The following BACH2 variants were observed in gnomAD, a reference collection of about 807,000 sequenced individuals.
BACH2 encodes transcription regulator protein BACH2.
Under a neutral mutation model 61.8 loss-of-function variants are expected in BACH2, and 5 were observed. The ratio of observed to expected loss-of-function variants is 0.08; its 90% CI spans 0.04 to 0.17. The LOEUF is 0.17. Among genes scored for constraint, BACH2 ranks in the 10% least tolerant of loss-of-function variants. The probability of loss-of-function intolerance (pLI) is 1.00; values close to 1 mark genes in which losing one functional copy is unlikely to be tolerated. For synonymous variants in BACH2, 446 were observed against 440.1 expected, an observed-to-expected ratio of 1.01 and a Z score of -0.17; for missense variants, 824 against 1,091.1, an observed-to-expected ratio of 0.76 and a Z score of 3.45.
intron 4 of BACH2, among the ~76,000 whole-genome samples, chr6:90,093,604 G>A (rs1279260637): frequency 6.6e-6 from 1 of 152,180 alleles, no homozygotes; most frequent in African/African-American, 2.4e-5. Context: ...GTGGTTAGCT[G>A]ATTGGACAGT....
Position 90,060,613 on chromosome 6 carries a change from A to G in BACH2, c.-13+28348T>C, listed in dbSNP as rs534893442. Among the ~76,000 whole-genome samples, 16 of 152,188 alleles carry G rather than the reference A, an allele frequency of 1.1e-4. No homozygotes were observed. In the South Asian group the frequency reaches 3.1e-3, roughly 30 times the overall value. On this transcript the variant is annotated intron_variant, in intron 5 of 8. Transcript: ENST00000257749. The stretch of plus-strand genomic sequence containing the variant: ...TTCTTATCTGATACTTCAAACATCT[A>G]AAGCCCTTGGTGGGGAAGGAGTAAT...
At chr6:90,061,618 G>A (rs1380119617) in intron 5 of BACH2, among the ~76,000 whole-genome samples, 3 of 151,994 alleles carry the variant, frequency 2.0e-5, no homozygotes, top group African/African-American at 7.3e-5. Flanking sequence ...TGAGAGTGCA[G>A]AGAGAAAACA....
At chr6:90,124,997 A>G (rs1783787466) in intron 4 of BACH2, among the ~76,000 whole-genome samples, 1 of 152,328 alleles carries the variant, frequency 6.6e-6, no homozygotes, top group South Asian at 2.1e-4. Context: ...GCATTTTTCC[A>G]AAAGCAATAA....
intron 6 of BACH2, among the ~76,000 whole-genome samples, chr6:89,972,600 C>T (rs938538162): frequency 6.6e-6 from 1 of 152,136 alleles, no homozygotes; most frequent in Admixed American, 6.5e-5. Context: ...GTTTCAGAGT[C>T]ATAAATTTTG....
At chr6:89,997,351 T>C (rs940073514) in intron 6 of BACH2, among the ~76,000 whole-genome samples, 4 of 152,222 alleles carry the variant, frequency 2.6e-5, no homozygotes, top group African/African-American at 9.7e-5. Context: ...TTATCTTCCC[T>C]TAGTAACTTC....
At chr6:90,243,251 C>T (rs1278348715) in intron 3 of BACH2, among the ~76,000 whole-genome samples, 3 of 151,278 alleles carry the variant, frequency 2.0e-5, no homozygotes, top group African/African-American at 4.8e-5. Context: ...TCGCAAGGAT[C>T]GTCTTTAAAA....
At chr6:90,108,586 TGAGATCAGC>T (rs1783027052) in intron 4 of BACH2, among the ~76,000 whole-genome samples, 1 of 82,178 alleles carries the variant, frequency 1.2e-5, no homozygotes, top group Non-Finnish European at 3.8e-5. Context: ...GGAAACAGCC[TGAGATCAGC>T]CTGAGATCAG....
chr6:90,073,890 A>C (rs752934523), intron 5 of BACH2, among the ~76,000 whole-genome samples: 1 of 152,232 alleles, frequency 6.6e-6, no homozygotes, highest in Non-Finnish European at 1.5e-5. Context: ...TAAGTGATTT[A>C]AAGGATTTTT....
At chr6:90,069,379 T>A (rs973904692) in intron 5 of BACH2, among the ~76,000 whole-genome samples, 7 of 152,222 alleles carry the variant, frequency 4.6e-5, no homozygotes, top group African/African-American at 1.7e-4. Flanking sequence ...TGAGAGAGGA[T>A]GTGAACAAGA....
chr6:90,165,386 C>A (rs1213800023), intron 4 of BACH2, among the ~76,000 whole-genome samples: 2 of 151,478 alleles, frequency 1.3e-5, no homozygotes, highest in African/African-American at 4.9e-5. Flanking sequence ...AACTACAAAC[C>A]ACTGCTCAAT....
At chr6:89,995,455 A>C (rs1253415577) in intron 6 of BACH2, among the ~76,000 whole-genome samples, 2 of 152,192 alleles carry the variant, frequency 1.3e-5, no homozygotes, top group Non-Finnish European at 2.9e-5. Flanking sequence ...TTTGGATCAG[A>C]AGATACCTAA....
At chr6:90,250,626 CTG>C (rs1770777683) in intron 3 of BACH2, among the ~76,000 whole-genome samples, 1 of 152,220 alleles carries the variant, frequency 6.6e-6, no homozygotes, top group Non-Finnish European at 1.5e-5. Flanking sequence ...GCTTGCATTC[CTG>C]TGTTACGTCC....
At chr6:90,267,602 G>C (rs1461643180) in intron 2 of BACH2, among the ~76,000 whole-genome samples, 2 of 152,170 alleles carry the variant, frequency 1.3e-5, no homozygotes, top group African/African-American at 2.4e-5. Context: ...CTGCAGTGTT[G>C]TTAGGAATGG....
chr6:90,116,659 T>TA, intron 4 of BACH2: 3 of 291,492 alleles, frequency 1.0e-5, no homozygotes, highest in South Asian at 1.3e-4. Context: ...TCTTGCTACT[T>TA]AAAAAAAGGT....
chr6:90,160,638 C>T (rs535420143), intron 4 of BACH2, among the ~76,000 whole-genome samples: 2 of 152,294 alleles, frequency 1.3e-5, no homozygotes, highest in African/African-American at 2.4e-5. Context: ...ACAAACACCA[C>T]CTCTTAATTA....
chr6:90,212,130 G>A (rs1769376270), intron 3 of BACH2, among the ~76,000 whole-genome samples: 1 of 152,176 alleles, frequency 6.6e-6, no homozygotes, highest in Admixed American at 6.5e-5. Context: ...CTATTTTAAG[G>A]GGTGGAGTAA....
At chr6:90,296,054 G>A (rs1189223755) in intron 1 of BACH2, among the ~76,000 whole-genome samples, 1 of 151,978 alleles carries the variant, frequency 6.6e-6, no homozygotes, top group African/African-American at 2.4e-5. Context: ...CCCGGGCCTC[G>A]CCGGGCCGGG....
At chr6:90,113,896 C>T (rs1391172192) in intron 4 of BACH2, among the ~76,000 whole-genome samples, 1 of 152,116 alleles carries the variant, frequency 6.6e-6, no homozygotes, top group Non-Finnish European at 1.5e-5. Context: ...AACACGTCTA[C>T]ACACACAAAC....
At chr6:90,032,945 T>A (rs1779075274) in intron 5 of BACH2, among the ~76,000 whole-genome samples, 1 of 152,154 alleles carries the variant, frequency 6.6e-6, no homozygotes, top group African/African-American at 2.4e-5. Flanking sequence ...TAGCAAAGAC[T>A]TGGAACCAAC....
Sources: allele counts gnomAD v4.1 joint callset (sites outside exome capture counted in the v4.1 genomes callset), GRCh38; gene constraint gnomAD v4.1.1; transcripts MANE v1.5; gene names NCBI Gene and HGNC (gene_info 2026-07-23, HGNC 2026-07-21).